ANKRD46: variants seen among roughly 807,000 people sequenced by gnomAD.
ANKRD46 encodes ankyrin repeat domain-containing protein 46.
ANKRD46 carries 13 observed loss-of-function variants against 19.8 expected under a neutral mutation model. The ratio of observed to expected loss-of-function variants is 0.66; its 90% CI spans 0.43 to 1.04. The LOEUF is 1.04. Ranked by LOEUF, ANKRD46 falls within the 50% of genes least tolerant of loss-of-function variation. ANKRD46 has a pLI of 0.00. For synonymous variants in ANKRD46, 91 were observed against 106.9 expected, an observed-to-expected ratio of 0.85 and a Z score of 0.92; for missense variants, 185 against 274.8, an observed-to-expected ratio of 0.67 and a Z score of 2.31.
rs975415645 is a variant in ANKRD46, at chr8:100,546,585, C to T, written c.-131+13126G>A. Among the ~76,000 whole-genome samples, 29 of 152,382 alleles carry T rather than the reference C, an allele frequency of 1.9e-4. No individual in the cohort carries two copies. Among genetic ancestry groups the T allele is most frequent in the African/African-American group, 7.0e-4 (29 of 41,600 alleles). On this transcript the variant is annotated intron_variant, in intron 1 of 4. Coordinates refer to ENST00000335659, the MANE Select transcript of ANKRD46 (RefSeq NM_001270377.2). This position sits in a 1 kb window ranked among gnomAD's most constrained non-coding sequence, Gnocchi z 4.0. ...GGGGCAGAGCCCTTATGGAGAACCT[C>T]TGCTGGGGCAGTGTGGAAGGGAAAT...
rs1811552258 is a variant in ANKRD46, at chr8:100,511,891, G to T, written c.637-1252C>A. Among the ~76,000 whole-genome samples the T allele has an allele frequency of 6.6e-6, 1 of 152,172 alleles. No homozygotes were observed. The highest frequency in any genetic ancestry group is 1.5e-5 in the Non-Finnish European group (1 of 68,036). ...AATACAAAAATTAGCTGGGTGGGGT[G>T]GTGCATGCCTGTAACCCCAGCTACT... is the stretch of plus-strand genomic sequence containing the variant. On this transcript the variant is annotated intron_variant, in intron 5 of 5. Coordinates refer to the ANKRD46 transcript ENST00000520552. The surrounding 1 kb of genome is among the most constrained non-coding windows in gnomAD (Gnocchi z 4.1).
At chr8:100,520,740 C>CT (rs1771677886), downstream of ANKRD46, 55 of 169,650 alleles carry the variant, frequency 3.2e-4, no homozygotes, top group Non-Finnish European at 3.8e-4. Context: ...CTATAATACA[C>CT]TAAAAAAAAA....
chr8:100,522,704 G>A lies in ANKRD46; in HGVS notation c.538C>T (p.Arg180Ter). Residue 180 changes from arginine to a stop codon, truncating the protein, a stop_gained, in exon 5 of 5, where the codon CGA becomes TGA. Transcript: ENST00000335659. LOFTEE classifies it high-confidence loss of function. ...TCCACAAACTCCTGCCACGTGGTTC[G>A]GAAGCTGGAGAGGACTCCTTCACCT... is the stretch of plus-strand genomic sequence containing the variant. ...QQGEGVLSSF[R>*]TTWQEFVEDL... 1 of 1,613,966 alleles carries A rather than the reference G, an allele frequency of 6.2e-7. No homozygotes were observed. The highest frequency in any genetic ancestry group is 8.5e-7 in the Non-Finnish European group (1 of 1,180,002).
Position 100,559,723 on chromosome 8 carries a change from C to G in ANKRD46, c.-143G>C, listed in dbSNP as rs1346418493. 2.6e-5 allele frequency: 4 copies of G among 153,126 alleles called. No homozygotes were observed. The highest frequency in any genetic ancestry group is 4.4e-5 in the Non-Finnish European group (3 of 68,758). The allele number at this position is 153,126 out of a possible 1,614,324, so 9.5% of individuals were successfully genotyped here. On this transcript the variant is annotated 5_prime_UTR_variant, in exon 1 of 5. Transcript: ENST00000335659. The surrounding 1 kb of genome is among the most constrained non-coding windows in gnomAD (Gnocchi z 6.0). ...CCGGGCCAAGTACCTGCGACTCGAA[C>G]GAGCAGCAGCGACAGCGGCAGCTTC...
rs958622789 is a variant in ANKRD46, at chr8:100,536,766, T to A, written c.-130-3455A>T. Reference sequence around the variant, plus strand: ...CCTGGTTCCCAAGGAACAGTGTCCATGAGGAACAGTGTCCACTGACTGGTT... The same window carrying A: ...CCTGGTTCCCAAGGAACAGTGTCCAAGAGGAACAGTGTCCACTGACTGGTT... On this transcript the variant is annotated intron_variant, in intron 1 of 4. Transcript: ENST00000335659. This position sits in a 1 kb window ranked among gnomAD's most constrained non-coding sequence, Gnocchi z 4.9. Among the ~76,000 whole-genome samples the A allele has an allele frequency of 6.6e-6, 1 of 152,154 alleles. No homozygotes were observed. Among genetic ancestry groups the A allele is most frequent in the Non-Finnish European group, 1.5e-5 (1 of 68,014 alleles).
chr8:100,529,671 G>C lies in ANKRD46; in HGVS notation c.163C>G (p.Arg55Gly). Residue 55 changes from arginine to glycine, a missense_variant, in exon 3 of 5, where the codon CGA becomes GGA. Transcript: ENST00000335659. The surrounding 1 kb of genome is among the most constrained non-coding windows in gnomAD (Gnocchi z 5.8). ...AACTGGCAGATGTCTACATTCCCTC[G>C]AGCTGCTGCAAGGTGAAGGCCTGTT... is the stretch of plus-strand genomic sequence containing the variant. ...GRTGLHLAAARGNVDICQLLH... is the reference protein window; with the variant it reads ...GRTGLHLAAAGGNVDICQLLH... 6.2e-7 allele frequency: 1 copy of C among 1,614,214 alleles called. No homozygotes were observed. The highest frequency in any genetic ancestry group is 8.5e-7 in the Non-Finnish European group (1 of 1,180,060).
At chr8:100,515,265 G>A (rs1460430936) in intron 5 of ANKRD46, among the ~76,000 whole-genome samples, 1 of 152,170 alleles carries the variant, frequency 6.6e-6, no homozygotes, top group Non-Finnish European at 1.5e-5. Flanking sequence ...ACTGTGACTA[G>A]CCAGTACAAA....
intron 1 of ANKRD46, among the ~76,000 whole-genome samples, chr8:100,542,058 C>G (rs959234332): frequency 6.6e-6 from 1 of 151,932 alleles, no homozygotes; most frequent in African/African-American, 2.4e-5. Context: ...TGTACTGCAT[C>G]CTTCACACAA....
chr8:100,539,259 C>A (rs947576108), intron 1 of ANKRD46, among the ~76,000 whole-genome samples: 4 of 152,022 alleles, frequency 2.6e-5, no homozygotes, highest in African/African-American at 9.7e-5. Flanking sequence ...ATGGCTAGGG[C>A]CCAATTTTTA....
In ANKRD46 at chr8:100,510,253, C is replaced by CTT; in HGVS notation, c.*322_*323dup. ...TTGTCATTTCAGACACCACGGCAGC[C>CTT]TTTTGTTCAAGATCAAATGGATGTG... On this transcript the variant is annotated 3_prime_UTR_variant, in exon 6 of 6. Transcript: ENST00000520552. The surrounding 1 kb of genome is among the most constrained non-coding windows in gnomAD (Gnocchi z 4.9). The CTT allele has an allele frequency of 3.5e-6, 1 of 287,292 alleles. No homozygotes were observed. Among genetic ancestry groups the CTT allele is most frequent in the Non-Finnish European group, 6.4e-6 (1 of 155,184 alleles). The allele number at this position is 287,292 out of a possible 1,614,324, so 17.8% of individuals were successfully genotyped here.
downstream of ANKRD46, among the ~76,000 whole-genome samples, chr8:100,515,947 C>A (rs1271766489): frequency 6.6e-6 from 1 of 151,770 alleles, no homozygotes; most frequent in Non-Finnish European, 1.5e-5. Flanking sequence ...TCTCAGCTCA[C>A]TGCAACCTCC....
chr8:100,518,573 C>T (rs1006378870), downstream of ANKRD46, among the ~76,000 whole-genome samples: 1 of 151,940 alleles, frequency 6.6e-6, no homozygotes, highest in Admixed American at 6.6e-5. Flanking sequence ...TATACCAGGC[C>T]GGGTGGGGTG....
chr8:100,535,675 T>C (rs1476543637), intron 1 of ANKRD46, among the ~76,000 whole-genome samples: 3 of 152,236 alleles, frequency 2.0e-5, no homozygotes, highest in African/African-American at 7.2e-5. Context: ...CCTTTTGGGA[T>C]TGGTCTTTTC....
At position 100,527,104 on chromosome 8, in the gene ANKRD46, C is replaced by T. The variant is rs140961400; in HGVS notation, c.470+741G>A. ...AGTGACATCAGGAGAAAAGATGGTG[C>T]GCCACCTTTTTGGAGCTCTCTGAAC... On this transcript the variant is annotated intron_variant, in intron 4 of 4. Coordinates refer to ENST00000335659, the MANE Select transcript of ANKRD46 (RefSeq NM_001270377.2). The surrounding 1 kb of genome is among the most constrained non-coding windows in gnomAD (Gnocchi z 4.0). 2.6e-5 allele frequency among the ~76,000 whole-genome samples: 4 copies of T among 152,250 alleles called. No homozygotes were observed. Among genetic ancestry groups the T allele is most frequent in the African/African-American group, 7.2e-5 (3 of 41,552 alleles).
chr8:100,520,771 A>C (rs1387288786), downstream of ANKRD46: 1 of 780,918 alleles, frequency 1.3e-6, no homozygotes, highest in Non-Finnish European at 1.6e-6. Context: ...AGAAATCGTG[A>C]TTAAGGGATA....
chr8:100,527,828 A>T lies in ANKRD46; in HGVS notation c.470+17T>A, dbSNP rs778961163. 1 of 1,606,308 alleles carries T rather than the reference A, an allele frequency of 6.2e-7. No homozygotes were observed. On this transcript the variant is annotated intron_variant, in intron 4 of 4. Transcript: ENST00000335659. This position sits in a 1 kb window ranked among gnomAD's most constrained non-coding sequence, Gnocchi z 4.0. ...ATGAGTAATACAGTGAGAAAAAAAA[A>T]GTTGTATCTCCAGTACCTTTCACTC...
rs1811734013 is a variant in ANKRD46, at chr8:100,522,042, C to G, written c.*513G>C. ...AATACTAAAATAAGCCAAATAGATG[C>G]TAACAATACTAATTTGCACACAAGA... On this transcript the variant is annotated 3_prime_UTR_variant, in exon 5 of 5. Transcript: ENST00000335659. 1.0e-6 allele frequency: 1 copy of G among 985,434 alleles called. No individual in the cohort carries two copies. Among genetic ancestry groups the G allele is most frequent in the African/African-American group, 1.7e-5 (1 of 57,206 alleles). The allele number at this position is 985,434 out of a possible 1,614,324, so 61.0% of individuals were successfully genotyped here.
At chr8:100,520,741 T>TAAA (rs5893523), downstream of ANKRD46, 23,179 of 713,068 alleles carry the variant, frequency 0.033, 14 homozygotes, top group Non-Finnish European at 0.036. Context: ...TATAATACAC[T>TAAA]AAAAAAAAAA....
chr8:100,555,559 T>A (rs1812479406), intron 1 of ANKRD46, among the ~76,000 whole-genome samples: 1 of 146,912 alleles, frequency 6.8e-6, no homozygotes. Flanking sequence ...AGGAAATCAG[T>A]GATGGAAGGG....
Sources: allele counts gnomAD v4.1 joint callset (sites outside exome capture counted in the v4.1 genomes callset), GRCh38; gene constraint gnomAD v4.1.1; non-coding constraint Gnocchi (gnomAD v3.1); transcripts MANE v1.5; gene names NCBI Gene and HGNC (gene_info 2026-07-23, HGNC 2026-07-21).